The following TLK2 variants were observed in gnomAD, a reference collection of about 807,000 sequenced individuals.
The protein encoded by TLK2 is tousled like kinase 2.
TLK2 carries 6 observed loss-of-function variants against 117.3 expected under a neutral mutation model. The observed-to-expected ratio is 0.05, with a 90% confidence interval of 0.03 to 0.10. The LOEUF is 0.10. Among genes scored for constraint, TLK2 ranks in the 10% least tolerant of loss-of-function variants. The pLI is 1.00. For synonymous variants in TLK2, 257 were observed against 316.7 expected, an observed-to-expected ratio of 0.81 and a Z score of 2.00; for missense variants, 299 against 901.2, an observed-to-expected ratio of 0.33 and a Z score of 8.56.
At chr17:62,606,411 C>T (rs374865057) in intron 20 of TLK2, among the ~76,000 whole-genome samples, 170 bp downstream of exon 20, 43 of 152,282 alleles carry the variant, frequency 2.8e-4, no homozygotes, top group African/African-American at 9.6e-4. Flanking sequence ...AAGCCTTATT[C>T]GTAAGCAGAA....
chr17:62,556,836 T>C, intron 9 of TLK2, among the ~76,000 whole-genome samples: 1 of 152,396 alleles, frequency 6.6e-6, no homozygotes, highest in East Asian at 1.9e-4. Context: ...CTTATTTTAA[T>C]ATGATTGCCC....
At chr17:62,581,616 T>C (rs2081227838) in intron 15 of TLK2, among the ~76,000 whole-genome samples, 1 of 152,094 alleles carries the variant, frequency 6.6e-6, no homozygotes, top group East Asian at 1.9e-4. Flanking sequence ...TTTTGTATTT[T>C]TTTTTATAGT....
chr17:62,512,664 G>C (rs1812067114), intron 2 of TLK2, among the ~76,000 whole-genome samples: 1 of 151,492 alleles, frequency 6.6e-6, no homozygotes, highest in Admixed American at 6.6e-5. Flanking sequence ...CTGTTTACAG[G>C]GTCTTACTCT....
chr17:62,525,644 T>G (rs946389750), intron 6 of TLK2, among the ~76,000 whole-genome samples: 2 of 152,100 alleles, frequency 1.3e-5, no homozygotes, highest in African/African-American at 4.8e-5. Context: ...GAGGCGTGGT[T>G]TCACCATATT....
At chr17:62,604,444 AGAGCTGT>A (rs546538749) in intron 19 of TLK2, among the ~76,000 whole-genome samples, 27 of 152,262 alleles carry the variant, frequency 1.8e-4, no homozygotes, top group Admixed American at 1.8e-3. Flanking sequence ...TTAGTATCAT[AGAGCTGT>A]CTTTTACTCT....
chr17:62,505,681 C>T (rs1488770540), intron 2 of TLK2, among the ~76,000 whole-genome samples: 5 of 151,784 alleles, frequency 3.3e-5, no homozygotes, highest in African/African-American at 9.7e-5. Flanking sequence ...TGCTATGTCA[C>T]CCAGAATGTT....
chr17:62,567,627 A>G (rs1229657361), intron 11 of TLK2, among the ~76,000 whole-genome samples: 1 of 152,206 alleles, frequency 6.6e-6, no homozygotes, highest in Non-Finnish European at 1.5e-5. Flanking sequence ...GCTATATCTA[A>G]TAGCCTCAGA....
intron 2 of TLK2, among the ~76,000 whole-genome samples, chr17:62,491,138 CACTT>C (rs2073071950): frequency 6.6e-6 from 1 of 152,138 alleles, no homozygotes; most frequent in Admixed American, 6.6e-5. Flanking sequence ...ATAAAACTAA[CACTT>C]AGTGTGTGTG....
intron 19 of TLK2, among the ~76,000 whole-genome samples, chr17:62,604,409 T>C (rs1389083168): frequency 1.3e-5 from 2 of 151,516 alleles, no homozygotes; most frequent in Non-Finnish European, 2.9e-5. Flanking sequence ...TATATACATA[T>C]ATATATATAT....
At chr17:62,509,083 T>A (rs540303246) in intron 2 of TLK2, among the ~76,000 whole-genome samples, 215 of 152,250 alleles carry the variant, frequency 1.4e-3, no homozygotes, top group African/African-American at 5.0e-3. Flanking sequence ...CCTTTTATTT[T>A]ATTTATTTAT....
At chr17:62,603,862 T>TA (rs1488129717) in intron 19 of TLK2, among the ~76,000 whole-genome samples, 1 of 152,202 alleles carries the variant, frequency 6.6e-6, no homozygotes, top group East Asian at 1.9e-4. Context: ...AATACTGTCA[T>TA]AATCACTATC....
intron 7 of TLK2, among the ~76,000 whole-genome samples, chr17:62,540,972 C>G (rs2077485831): frequency 6.6e-6 from 1 of 152,130 alleles, no homozygotes; most frequent in Admixed American, 6.6e-5. Context: ...TGCACGCTAG[C>G]CACCTTGTTT....
At chr17:62,546,364 TAA>T (rs1567891505) in intron 7 of TLK2, among the ~76,000 whole-genome samples, 104 of 104,094 alleles carry the variant, frequency 1.0e-3, no homozygotes, top group East Asian at 2.7e-3. Context: ...TTTTTTTACA[TAA>T]TGAAAAGGGT....
intron 10 of TLK2, among the ~76,000 whole-genome samples, chr17:62,560,893 T>G (rs1567921866): frequency 6.6e-6 from 1 of 152,068 alleles, no homozygotes; most frequent in South Asian, 2.1e-4. Context: ...TAGTTACATA[T>G]GTATACATGT....
intron 9 of TLK2, among the ~76,000 whole-genome samples, chr17:62,557,177 G>A (rs2078922306): frequency 6.6e-6 from 1 of 152,084 alleles, no homozygotes; most frequent in African/African-American, 2.4e-5. Flanking sequence ...CTCCTACCTT[G>A]GCCTCCCAAA....
At chr17:62,507,354 CAG>C (rs1001698740) in intron 2 of TLK2, 4 of 152,122 alleles carry the variant, frequency 2.6e-5, no homozygotes, top group African/African-American at 9.7e-5. Context: ...AAGAACTTAA[CAG>C]ATTTCACATC....
At chr17:62,586,111 G>A (rs944820969) in intron 15 of TLK2, 24 bp from the exon 16 acceptor site, 7 of 1,567,328 alleles carry the variant, frequency 4.5e-6, no homozygotes, top group Non-Finnish European at 6.1e-6. Context: ...CATTTACCCA[G>A]TATATAATTT....
chr17:62,596,398 G>A (rs2082483725), intron 16 of TLK2, among the ~76,000 whole-genome samples, 187 bp from the exon 17 acceptor site: 1 of 152,160 alleles, frequency 6.6e-6, no homozygotes, highest in African/African-American at 2.4e-5. Context: ...TTTCTCAATG[G>A]CTTGGTAGAT....
intron 15 of TLK2, 119 bp downstream of exon 15, chr17:62,580,311 C>A: frequency 3.1e-6 from 2 of 651,990 alleles, no homozygotes; most frequent in Non-Finnish European, 4.8e-6. Context: ...AATTCAAAAA[C>A]TTTAAAAACC....
Sources: allele counts gnomAD v4.1 joint callset (sites outside exome capture counted in the v4.1 genomes callset), GRCh38; gene constraint gnomAD v4.1.1; transcripts MANE v1.5; gene names NCBI Gene and HGNC (gene_info 2026-07-23, HGNC 2026-07-21).